SLC26A7: variants seen among roughly 807,000 people sequenced by gnomAD.
SLC26A7 encodes the protein solute carrier family 26 member 7, also known as anion exchange transporter.
A neutral mutation model predicts 82.5 loss-of-function variants in SLC26A7; 59 were observed. The ratio of observed to expected loss-of-function variants is 0.72; its 90% CI spans 0.58 to 0.89. The LOEUF (loss-of-function observed/expected upper bound fraction) is 0.89. Ranked by LOEUF, SLC26A7 falls within the 40% of genes least tolerant of loss-of-function variation. The probability of loss-of-function intolerance (pLI) is 0.00; values close to 1 mark genes in which losing one functional copy is unlikely to be tolerated. For synonymous variants in SLC26A7, 271 were observed against 274.3 expected, an observed-to-expected ratio of 0.99 and a Z score of 0.12; for missense variants, 820 against 793.0, an observed-to-expected ratio of 1.03 and a Z score of -0.41.
chr8:91,215,093 C>G (rs1331669624), intron 1 of SLC26A7, among the ~76,000 whole-genome samples: 1 of 152,062 alleles, frequency 6.6e-6, no homozygotes, highest in African/African-American at 2.4e-5. Context: ...ACATGGCGCC[C>G]ACCTAGGTAG....
At chr8:91,377,304 C>T (rs1159987183) in intron 15 of SLC26A7, among the ~76,000 whole-genome samples, 1 of 152,156 alleles carries the variant, frequency 6.6e-6, no homozygotes, top group African/African-American at 2.4e-5. Flanking sequence ...GTGCTGCCCC[C>T]TTTCAGTGAT....
intron 6 of SLC26A7, among the ~76,000 whole-genome samples, chr8:91,337,755 C>A (rs934026673): frequency 1.3e-5 from 2 of 152,172 alleles, no homozygotes; most frequent in Non-Finnish European, 2.9e-5. Context: ...AGGCTGCTGT[C>A]ATGGAGAGAA....
intron 9 of SLC26A7, chr8:91,344,133 T>G: frequency 1.0e-6 from 1 of 985,408 alleles, no homozygotes; most frequent in Non-Finnish European, 1.2e-6. Context: ...GCTGTCATAC[T>G]TTTGTTATAA....
intron 2 of SLC26A7, among the ~76,000 whole-genome samples, chr8:91,235,379 G>A (rs1810380530): frequency 6.6e-6 from 1 of 152,138 alleles, no homozygotes. Flanking sequence ...TCATATTTAG[G>A]ACTGACTTTA....
At chr8:91,370,425 G>A (rs998268986) in intron 15 of SLC26A7, among the ~76,000 whole-genome samples, 2 of 151,238 alleles carry the variant, frequency 1.3e-5, no homozygotes, top group Non-Finnish European at 3.0e-5. Flanking sequence ...GAAATTCATG[G>A]CATTAGTGTA....
intron 14 of SLC26A7, among the ~76,000 whole-genome samples, chr8:91,368,414 T>G (rs532930606): frequency 6.3e-5 from 3 of 47,366 alleles, no homozygotes; most frequent in South Asian, 8.1e-4. Context: ...TCAGATGAGG[T>G]TTTTTTTTTT....
At chr8:91,339,626 GGATT>G (rs1813343304) in intron 7 of SLC26A7, among the ~76,000 whole-genome samples, 1 of 100,382 alleles carries the variant, frequency 1.0e-5, no homozygotes, top group South Asian at 3.4e-4. Context: ...ACTGCCTGAG[GGATT>G]TATTTATTTA....
intron 5 of SLC26A7, among the ~76,000 whole-genome samples, chr8:91,324,557 G>A (rs1374659355): frequency 6.6e-6 from 1 of 152,168 alleles, no homozygotes; most frequent in African/African-American, 2.4e-5. Flanking sequence ...CTTGATTAAA[G>A]AACCACTAGA....
In SLC26A7 at chr8:91,355,891, G is replaced by C. The variant is rs193053168; in HGVS notation, c.1314+2895G>C. Among the ~76,000 whole-genome samples, 1,309 of 151,586 alleles carry C rather than the reference G, an allele frequency of 8.6e-3. 9 individuals carry two copies. The highest frequency in any genetic ancestry group is 0.013 in the Non-Finnish European group (912 of 67,880). ...ATCCCTCCCCTCTCCCCCAACCCCA[G>C]AACAGTCCCCGGAGTGTGATGTTCC... On this transcript the variant is annotated intron_variant, in intron 11 of 18. Transcript: ENST00000276609.
rs79477311 is a variant in SLC26A7 at position 91,372,225 on chromosome 8, G to A, written c.1675+2392G>A. Among the ~76,000 whole-genome samples the A allele has an allele frequency of 3.7e-3, 566 of 151,726 alleles. 5 individuals carry two copies. The highest frequency in any genetic ancestry group is 0.012 in the African/African-American group (513 of 41,472). On this transcript the variant is annotated intron_variant, in intron 15 of 18. Transcript: ENST00000276609. ...GGTTGTTTCTTTTGCTGTGCAGAAG[G>A]CCTCTAGTTTAACTAAGCCCCATTT...
intron 2 of SLC26A7, among the ~76,000 whole-genome samples, chr8:91,282,454 CT>C (rs1448687141): frequency 4.6e-5 from 7 of 152,138 alleles, no homozygotes; most frequent in African/African-American, 1.7e-4. Flanking sequence ...TCCTTTCTCC[CT>C]AATCAATGGC....
At chr8:91,254,077 A>G (rs999105344) in intron 2 of SLC26A7, among the ~76,000 whole-genome samples, 10 of 152,144 alleles carry the variant, frequency 6.6e-5, no homozygotes, top group Non-Finnish European at 1.2e-4. Context: ...TGAAGTTACA[A>G]ATTTGCAGGC....
chr8:91,380,172 A>G (rs1467557592), intron 15 of SLC26A7, among the ~76,000 whole-genome samples: 1 of 152,092 alleles, frequency 6.6e-6, no homozygotes, highest in Non-Finnish European at 1.5e-5. Flanking sequence ...TAGGGCAACA[A>G]GAAGTCTCCT....
At chr8:91,278,614 T>G (rs541601610) in intron 2 of SLC26A7, among the ~76,000 whole-genome samples, 57 of 152,296 alleles carry the variant, frequency 3.7e-4, no homozygotes, top group Middle Eastern at 3.4e-3. Flanking sequence ...TCATTCTAAA[T>G]AAATATTTGC....
chr8:91,251,455 A>T lies in SLC26A7; in HGVS notation c.193+1611A>T, dbSNP rs542762441. On this transcript the variant is annotated intron_variant, in intron 2 of 18. Transcript: ENST00000276609. ...ACCAGTGAATGGATAAGGCTGCACT[A>T]CAAAAACGTTTTTGTTTGTGAAATT... Among the ~76,000 whole-genome samples, 151 of 152,210 alleles carry T rather than the reference A, an allele frequency of 9.9e-4. 1 individual carries two copies. The highest frequency in any genetic ancestry group is 3.5e-3 in the African/African-American group (147 of 41,556).
At chr8:91,228,904 G>T (rs937291983) in intron 2 of SLC26A7, among the ~76,000 whole-genome samples, 1 of 152,146 alleles carries the variant, frequency 6.6e-6, no homozygotes, top group African/African-American at 2.4e-5. Flanking sequence ...CTACTTCAAA[G>T]AATAAAATAT....
intron 15 of SLC26A7, among the ~76,000 whole-genome samples, chr8:91,370,342 C>T (rs1814322872): frequency 6.6e-6 from 1 of 151,604 alleles, no homozygotes. Context: ...CCTCCTCTCC[C>T]ACCTCTTTTC....
upstream of SLC26A7, among the ~76,000 whole-genome samples, chr8:91,247,494 AT>A (rs1810560975): frequency 6.6e-6 from 1 of 151,932 alleles, no homozygotes; most frequent in South Asian, 2.1e-4. Flanking sequence ...GTTTTAAATA[AT>A]ATGTATGCAC....
chr8:91,340,677 C>CAA, intron 8 of SLC26A7, 126 bp downstream of exon 8: 9 of 1,046,344 alleles, frequency 8.6e-6, no homozygotes, highest in Non-Finnish European at 1.1e-5. Context: ...GTGGGTTGAA[C>CAA]AAAAAAAAAG....
Sources: allele counts gnomAD v4.1 joint callset (sites outside exome capture counted in the v4.1 genomes callset), GRCh38; gene constraint gnomAD v4.1.1; transcripts MANE v1.5; gene names NCBI Gene and HGNC (gene_info 2026-07-23, HGNC 2026-07-21).